SUMF1: variants seen among roughly 807,000 people sequenced by gnomAD.
The protein encoded by SUMF1 is formylglycine-generating enzyme.
SUMF1 carries 48 observed loss-of-function variants against 47.6 expected under a neutral mutation model. That is an observed-to-expected ratio of 1.01 (90% CI 0.80 to 1.28). The LOEUF is 1.28. Ranked by LOEUF, SUMF1 falls within the 50% of genes most tolerant of loss-of-function variation. The probability of loss-of-function intolerance (pLI) is 0.00; values close to 1 mark genes in which losing one functional copy is unlikely to be tolerated. For synonymous variants in SUMF1, 230 were observed against 192.1 expected (o/e 1.20, Z -1.63); for missense variants, 571 against 485.4 (o/e 1.18, Z -1.66).
intron 1 of SUMF1, among the ~76,000 whole-genome samples, chr3:4,454,055 T>A (rs75623598): frequency 6.6e-6 from 1 of 152,226 alleles, no homozygotes; most frequent in African/African-American, 2.4e-5. Context: ...ATCTATAATA[T>A]CTTTAAATAA....
chr3:4,078,126 T>C (rs1461735251), intron 8 of SUMF1, among the ~76,000 whole-genome samples: 1 of 152,106 alleles, frequency 6.6e-6, no homozygotes. Flanking sequence ...TATGGTACTG[T>C]TCCCCACTGA....
rs75655754 is a variant in SUMF1, at chr3:4,053,107, T to C, written c.1191+15462A>G. On this transcript the variant is annotated intron_variant and NMD_transcript_variant, in intron 9 of 12. Transcript: ENST00000448413. ...TTTAAAGTGAGACACACATGATTCT[T>C]CCTTTCACTTGAACAGTTAGAGGGC... Among the ~76,000 whole-genome samples, 193 of 152,246 alleles carry C rather than the reference T, an allele frequency of 1.3e-3. 2 individuals are homozygous for C. The highest frequency in any genetic ancestry group is 2.4e-3 in the Non-Finnish European group (163 of 68,010).
intron 8 of SUMF1, among the ~76,000 whole-genome samples, chr3:4,253,751 G>C (rs1397429736): frequency 2.8e-5 from 4 of 145,384 alleles, no homozygotes; most frequent in Non-Finnish European, 6.0e-5. Flanking sequence ...GAATTGGGTG[G>C]AACCCACCAC....
intron 7 of SUMF1, among the ~76,000 whole-genome samples, chr3:4,385,782 A>T (rs957454451): frequency 6.6e-6 from 1 of 151,898 alleles, no homozygotes; most frequent in Non-Finnish European, 1.5e-5. Context: ...TAACTCTGTG[A>T]TTCATTTGGA....
intron 8 of SUMF1, among the ~76,000 whole-genome samples, chr3:4,270,429 C>G (rs1357243390): frequency 6.6e-6 from 1 of 152,006 alleles, no homozygotes; most frequent in Non-Finnish European, 1.5e-5. Flanking sequence ...CTCTCTCTCA[C>G]ACACATACAC....
chr3:4,043,902 T>A (rs138203375), intron 9 of SUMF1, among the ~76,000 whole-genome samples: 1 of 152,298 alleles, frequency 6.6e-6, no homozygotes, highest in African/African-American at 2.4e-5. Context: ...TTATACCAAC[T>A]ATTTCTATAC....
intron 8 of SUMF1, among the ~76,000 whole-genome samples, chr3:4,146,483 A>C: frequency 6.6e-6 from 1 of 152,044 alleles, no homozygotes; most frequent in Admixed American, 6.6e-5. Context: ...GCATATGAAA[A>C]AGTAGAACAA....
chr3:4,416,096 G>A (rs545536821), intron 6 of SUMF1, among the ~76,000 whole-genome samples: 1 of 152,116 alleles, frequency 6.6e-6, no homozygotes, highest in Non-Finnish European at 1.5e-5. Context: ...GATTATGCCA[G>A]CAAAAGAACG....
intron 2 of SUMF1, among the ~76,000 whole-genome samples, chr3:4,452,186 CG>C (rs1702998604): frequency 1.3e-5 from 2 of 149,900 alleles, no homozygotes; most frequent in South Asian, 4.2e-4. Flanking sequence ...AAAGGTTTTT[CG>C]TGAGAGAAAA....
chr3:4,243,426 G>C (rs1481348564), intron 8 of SUMF1, among the ~76,000 whole-genome samples: 2 of 152,136 alleles, frequency 1.3e-5, no homozygotes, highest in Non-Finnish European at 2.9e-5. Flanking sequence ...TCTATACACT[G>C]CTTTAAATGT....
intron 9 of SUMF1, among the ~76,000 whole-genome samples, chr3:4,040,220 T>C (rs908410263): frequency 6.6e-6 from 1 of 152,182 alleles, no homozygotes; most frequent in Admixed American, 6.5e-5. Context: ...TTGTCAATTA[T>C]ACTTCAATAA....
At chr3:4,438,439 G>T (rs997279975) in intron 3 of SUMF1, among the ~76,000 whole-genome samples, 26 of 152,008 alleles carry the variant, frequency 1.7e-4, no homozygotes, top group Non-Finnish European at 3.1e-4. Context: ...ACCCTCAAAT[G>T]TGTGATCACC....
At chr3:4,329,213 G>T (rs1037687581) in intron 8 of SUMF1, among the ~76,000 whole-genome samples, 2 of 152,126 alleles carry the variant, frequency 1.3e-5, no homozygotes, top group African/African-American at 4.8e-5. Flanking sequence ...TCTGGAGGAC[G>T]GTGGCCCTCT....
intron 7 of SUMF1, among the ~76,000 whole-genome samples, chr3:4,393,714 G>A (rs997288095): frequency 1.3e-5 from 2 of 151,862 alleles, no homozygotes; most frequent in Non-Finnish European, 1.5e-5. Context: ...TCAGTTCCAA[G>A]CAAGAACGCC....
intron 9 of SUMF1, among the ~76,000 whole-genome samples, chr3:4,053,532 A>G (rs988766877): frequency 4.4e-4 from 67 of 152,158 alleles, no homozygotes; most frequent in African/African-American, 1.6e-3. Flanking sequence ...ATAAAGCACA[A>G]TTTTTAAAAA....
intron 8 of SUMF1, among the ~76,000 whole-genome samples, chr3:4,255,784 C>A (rs1319512829): frequency 9.0e-6 from 1 of 111,454 alleles, no homozygotes; most frequent in African/African-American, 4.0e-5. Context: ...ATCTACAGAA[C>A]TCTCCACCCC....
intron 8 of SUMF1, among the ~76,000 whole-genome samples, chr3:4,093,531 G>T (rs1471258058): frequency 2.0e-5 from 3 of 152,004 alleles, no homozygotes; most frequent in Non-Finnish European, 4.4e-5. Context: ...AAGTCTAAAA[G>T]AATGAGTAGG....
At chr3:4,050,766 A>G (rs1695095849) in intron 9 of SUMF1, among the ~76,000 whole-genome samples, 1 of 148,618 alleles carries the variant, frequency 6.7e-6, no homozygotes, top group Non-Finnish European at 1.5e-5. Flanking sequence ...AAAAAAAAAA[A>G]GAAAGAAAAA....
At chr3:4,373,752 G>A (rs1397557853) in intron 8 of SUMF1, among the ~76,000 whole-genome samples, 13 of 151,814 alleles carry the variant, frequency 8.6e-5, no homozygotes, top group Admixed American at 8.5e-4. Context: ...GACATTACAA[G>A]AAAACACAGA....
Sources: allele counts gnomAD v4.1 joint callset (sites outside exome capture counted in the v4.1 genomes callset), GRCh38; gene constraint gnomAD v4.1.1; transcripts MANE v1.5; gene names NCBI Gene and HGNC (gene_info 2026-07-23, HGNC 2026-07-21).